The following ARFGEF3 variants were observed in gnomAD, a reference collection of about 807,000 sequenced individuals.
ARFGEF3 encodes ARFGEF family member 3.
A neutral mutation model predicts 221.7 loss-of-function variants in ARFGEF3; 96 were observed. That is an observed-to-expected ratio of 0.43 (90% CI 0.37 to 0.51). ARFGEF3 has a LOEUF of 0.51. ARFGEF3 is among the 20% of genes least tolerant of loss of function. The probability of loss-of-function intolerance (pLI) is 0.00; values close to 1 mark genes in which losing one functional copy is unlikely to be tolerated. For synonymous variants in ARFGEF3, 1,145 were observed against 1,126.8 expected (o/e 1.02, Z -0.32); for missense variants, 2,410 against 2,789.9 (o/e 0.86, Z 3.07).
intron 2 of ARFGEF3, among the ~76,000 whole-genome samples, chr6:138,180,000 A>G (rs917337045): frequency 1.3e-5 from 2 of 152,136 alleles, no homozygotes; most frequent in South Asian, 2.1e-4. Flanking sequence ...TTTTGTAGAG[A>G]TGGAGTTTTG....
chr6:138,240,911 G>A (rs537610588), intron 6 of ARFGEF3, among the ~76,000 whole-genome samples: 29 of 152,258 alleles, frequency 1.9e-4, no homozygotes, highest in African/African-American at 3.4e-4. Flanking sequence ...GGGAAGATGC[G>A]TATATTTTCT....
chr6:138,297,035 G>A (rs1779538558), intron 21 of ARFGEF3, 80 bp downstream of exon 21: 5 of 1,478,496 alleles, frequency 3.4e-6, no homozygotes, highest in Non-Finnish European at 4.5e-6. Flanking sequence ...CTGCAGTCAT[G>A]TATGGGGGCA....
chr6:138,293,789 T>C (rs1417055131), intron 19 of ARFGEF3, among the ~76,000 whole-genome samples: 3 of 152,246 alleles, frequency 2.0e-5, no homozygotes, highest in Non-Finnish European at 2.9e-5. Flanking sequence ...TTTTTAAATA[T>C]ATTCTTTGTG....
chr6:138,200,356 C>T (rs548333035), intron 2 of ARFGEF3, among the ~76,000 whole-genome samples: 16 of 152,084 alleles, frequency 1.1e-4, no homozygotes, highest in Non-Finnish European at 1.3e-4. Context: ...AAAAAGAGCC[C>T]GCATAGCCAA....
intron 2 of ARFGEF3, among the ~76,000 whole-genome samples, chr6:138,172,698 G>C (rs1399968603): frequency 6.6e-6 from 1 of 152,126 alleles, no homozygotes; most frequent in Non-Finnish European, 1.5e-5. Flanking sequence ...AACTATAAAG[G>C]TAAAAAAGAA....
At position 138,338,923 on chromosome 6, in the gene ARFGEF3, G is replaced by T. The variant is rs906853200; in HGVS notation, c.*2437G>T. On this transcript the variant is annotated 3_prime_UTR_variant, in exon 34 of 34. Coordinates refer to ENST00000251691, the MANE Select transcript of ARFGEF3 (RefSeq NM_020340.5). ...AAATTCTTGAACATAAGTTTACCCT[G>T]TACTGTGTCCAAACACTGTTCTAGT... 1 of 151,814 alleles carries T rather than the reference G, an allele frequency of 6.6e-6. No individual in the cohort carries two copies. Among genetic ancestry groups the T allele is most frequent in the Non-Finnish European group, 1.5e-5 (1 of 67,990 alleles). 9.4% of individuals were successfully genotyped at this position (151,814 alleles called of 1,614,324 possible). A position where few individuals can be genotyped will look rare whatever the true frequency, so the allele number is the denominator to read the frequency against.
rs753869406 is a variant in ARFGEF3 at position 138,336,360 on chromosome 6, G to A, written c.6408G>A (p.Thr2136=). 2.4e-5 allele frequency: 39 copies of A among 1,611,270 alleles called. No individual in the cohort carries two copies. Among genetic ancestry groups the A allele is most frequent in the Non-Finnish European group, 3.1e-5 (36 of 1,178,926 alleles). ...QIQILPDQTF[T]ALQPAVFPCI... ...AGATTCTCCCAGACCAGACCTTCAC[G>A]GCCCTCCAGCCCGCAGTGTTCCCGT... is the stretch of plus-strand genomic sequence containing the variant. The change falls in exon 34 of 34, where the codon ACG becomes ACA. Residue 2136 remains threonine, a synonymous_variant. Transcript: ENST00000251691.
At chr6:138,229,503 ACCT>A (rs1488441960) in intron 4 of ARFGEF3, among the ~76,000 whole-genome samples, 5 of 152,132 alleles carry the variant, frequency 3.3e-5, no homozygotes, top group African/African-American at 1.2e-4. Flanking sequence ...TACTGGACAC[ACCT>A]CCTGGAGCTG....
intron 31 of ARFGEF3, among the ~76,000 whole-genome samples, chr6:138,326,720 GA>G (rs776092290): frequency 4.3e-4 from 65 of 152,280 alleles, no homozygotes; most frequent in Middle Eastern, 3.4e-3. Flanking sequence ...CAAAGACCCA[GA>G]GGCAGAAATA....
chr6:138,228,173 T>C (rs1010661184), intron 4 of ARFGEF3, among the ~76,000 whole-genome samples: 1 of 16,286 alleles, frequency 6.1e-5, no homozygotes, highest in Non-Finnish European at 1.2e-4. Context: ...ACTGAGACAA[T>C]TTTTTTTTTT....
intron 24 of ARFGEF3, among the ~76,000 whole-genome samples, chr6:138,310,861 C>G (rs1779813978): frequency 6.6e-6 from 1 of 152,152 alleles, no homozygotes; most frequent in African/African-American, 2.4e-5. Context: ...CCCTAAACCC[C>G]AGATGTTTAG....
chr6:138,334,769 G>A lies in ARFGEF3; in HGVS notation c.5923G>A (p.Glu1975Lys), dbSNP rs756313936. ...DRSQSREHMG[E>K]SLSLKAGGGD... ...AAGCCAGTCCCGGGAGCACATGGGC[G>A]AGTCCCTGAGCCTGAAGGCCGGTGG... is the stretch of plus-strand genomic sequence containing the variant. Residue 1975 changes from glutamate to lysine, a missense_variant, in exon 33 of 34, where the codon GAG (glutamate) becomes AAG (lysine). Glu to Lys is a moderately conservative substitution (Grantham distance 56). Coordinates refer to ENST00000251691, the MANE Select transcript of ARFGEF3 (RefSeq NM_020340.5). This position sits in a 1 kb window ranked among gnomAD's most constrained non-coding sequence, Gnocchi z 5.1. 3.7e-6 allele frequency: 6 copies of A among 1,609,830 alleles called. No homozygotes were observed. Among genetic ancestry groups the A allele is most frequent in the South Asian group, 2.2e-5 (2 of 90,250 alleles).
chr6:138,322,260 A>C (rs1780045252), intron 29 of ARFGEF3, among the ~76,000 whole-genome samples: 1 of 152,168 alleles, frequency 6.6e-6, no homozygotes, highest in Admixed American at 6.5e-5. Context: ...CCCCGTTCTC[A>C]GGCTTTCAGA....
intron 21 of ARFGEF3, among the ~76,000 whole-genome samples, chr6:138,298,245 A>G (rs114695759): frequency 8.5e-5 from 13 of 152,094 alleles, no homozygotes; most frequent in Non-Finnish European, 1.5e-4. Context: ...ATCTTCCTAC[A>G]TGTGGGGCAC....
chr6:138,279,234 C>T (rs144408280), intron 13 of ARFGEF3, among the ~76,000 whole-genome samples: 1 of 152,266 alleles, frequency 6.6e-6, no homozygotes, highest in East Asian at 1.9e-4. Flanking sequence ...CCCATGCCAG[C>T]CTTGAACTCC....
At chr6:138,335,223 G>A (rs1327133733) in intron 33 of ARFGEF3, 35 bp downstream of exon 33, 1 of 1,495,776 alleles carries the variant, frequency 6.7e-7, no homozygotes, top group East Asian at 2.3e-5. Flanking sequence ...TGGGCGGGAG[G>A]CTGGGTTTCC....
Position 138,261,548 on chromosome 6 carries a change from C to T in ARFGEF3, c.1126C>T (p.Leu376Phe), listed in dbSNP as rs1010021064. ...TAAGATACTTGGGAGCCCACAGCGT[C>T]TCTGTGACTTGGCAGGACCCAGCTC... ...MKEILGSPQR[L>F]CDLAGPSSTE... The change falls in exon 11 of 34, where the codon CTC becomes TTC. Residue 376 changes from leucine to phenylalanine, a missense_variant. Leu to Phe is a conservative substitution (Grantham distance 22). This residue lies in a region of ARFGEF3 where 570 missense variants were observed against 586.9 expected (regional missense o/e 0.97). Coordinates refer to ENST00000251691, the MANE Select transcript of ARFGEF3 (RefSeq NM_020340.5). 1 of 1,575,740 alleles carries T rather than the reference C, an allele frequency of 6.3e-7. No homozygotes were observed.
chr6:138,277,385 G>A lies in ARFGEF3; in HGVS notation c.2129-1066G>A, dbSNP rs545309718. On this transcript the variant is annotated intron_variant, in intron 12 of 33. Coordinates refer to ENST00000251691, the MANE Select transcript of ARFGEF3 (RefSeq NM_020340.5). Reference sequence around the variant, plus strand: ...CATTCATCTGTTGATGGGCGCTTCAGTTGTTTCCACCTTTTGGCTGTTGTG... The same window carrying A: ...CATTCATCTGTTGATGGGCGCTTCAATTGTTTCCACCTTTTGGCTGTTGTG... Among the ~76,000 whole-genome samples the A allele has an allele frequency of 2.0e-5, 3 of 152,306 alleles. No individual in the cohort carries two copies. In the South Asian group the frequency reaches 6.2e-4, roughly 32 times the overall value.
At chr6:138,176,600 TA>T (rs1192320716) in intron 2 of ARFGEF3, among the ~76,000 whole-genome samples, 1 of 152,220 alleles carries the variant, frequency 6.6e-6, no homozygotes, top group Non-Finnish European at 1.5e-5. Flanking sequence ...CGTTGTCATT[TA>T]GATTCTTTGT....
Sources: gnomAD v4.1 joint callset for allele counts (sites outside exome capture counted in the v4.1 genomes callset) on GRCh38, gnomAD v4.1.1 for gene constraint, gnomAD v4.1.1 regional missense constraint, Gnocchi (gnomAD v3.1) non-coding constraint, MANE v1.5 for transcripts, NCBI Gene and HGNC (gene_info 2026-07-23, HGNC 2026-07-21) for gene names.